Variants in NKAIN3 observed in about 807,000 individuals in gnomAD.
NKAIN3 encodes sodium/potassium transporting ATPase interacting 3.
In NKAIN3, 25 loss-of-function variants were observed where a neutral mutation model predicts 30.2. That is an observed-to-expected ratio of 0.83 (90% CI 0.60 to 1.16). The LOEUF (loss-of-function observed/expected upper bound fraction) is 1.16, where lower values mean the gene tolerates loss of function less well. NKAIN3 is among the 50% of genes most tolerant of loss of function. The pLI, the probability that NKAIN3 is intolerant of heterozygous loss-of-function variation, is 0.00. For synonymous variants in NKAIN3, 91 were observed against 89.6 expected, an observed-to-expected ratio of 1.02 and a Z score of -0.09; for missense variants, 225 against 254.1, an observed-to-expected ratio of 0.89 and a Z score of 0.78.
intron 6 of NKAIN3, among the ~76,000 whole-genome samples, chr8:62,958,206 A>T (rs1823476079): frequency 6.6e-6 from 1 of 151,834 alleles, no homozygotes; most frequent in Non-Finnish European, 1.5e-5. Flanking sequence ...CAGAGGCTTA[A>T]GCAGAGCAGG....
chr8:62,657,115 T>C (rs1812784696), intron 3 of NKAIN3, among the ~76,000 whole-genome samples: 1 of 152,210 alleles, frequency 6.6e-6, no homozygotes, highest in African/African-American at 2.4e-5. Context: ...ATTTCAATTG[T>C]TGTACTGTTT....
rs115238086 is a variant in NKAIN3 at position 62,345,934 on chromosome 8, C to G, written c.54+96807C>G. Among the ~76,000 whole-genome samples the G allele has an allele frequency of 7.5e-3, 1,142 of 151,998 alleles. 17 individuals carry two copies. The highest frequency in any genetic ancestry group is 0.026 in the African/African-American group (1,088 of 41,472). On this transcript the variant is annotated intron_variant, in intron 1 of 6. Transcript: ENST00000623646. Reference sequence around the variant, plus strand: ...GTCATTTGCGGCAACATAGATGAAACTAGAGAACATTATGTAAGTGAAGCA... The same window carrying G: ...GTCATTTGCGGCAACATAGATGAAAGTAGAGAACATTATGTAAGTGAAGCA...
At chr8:62,385,385 G>C (rs921814022) in intron 1 of NKAIN3, among the ~76,000 whole-genome samples, 2 of 152,006 alleles carry the variant, frequency 1.3e-5, no homozygotes, top group Non-Finnish European at 2.9e-5. Flanking sequence ...ACTGAAACTC[G>C]GAGAAATGAT....
intron 1 of NKAIN3, among the ~76,000 whole-genome samples, chr8:62,281,912 T>G (rs1585629792): frequency 6.6e-6 from 1 of 152,108 alleles, no homozygotes; most frequent in African/African-American, 2.4e-5. Context: ...AAAAACAATT[T>G]TTTTTTAAAA....
chr8:62,560,714 A>G (rs1158330177), intron 1 of NKAIN3, among the ~76,000 whole-genome samples: 2 of 150,304 alleles, frequency 1.3e-5, no homozygotes, highest in South Asian at 2.1e-4. Context: ...TAATTTTTAT[A>G]TTTTTTAGTA....
intron 6 of NKAIN3, among the ~76,000 whole-genome samples, chr8:62,957,989 C>A (rs1823469277): frequency 6.6e-6 from 1 of 152,072 alleles, no homozygotes; most frequent in Non-Finnish European, 1.5e-5. Flanking sequence ...AATCTCTGTA[C>A]CTTCCTCTCA....
chr8:62,396,598 T>G (rs1817774552), intron 1 of NKAIN3, among the ~76,000 whole-genome samples: 1 of 152,204 alleles, frequency 6.6e-6, no homozygotes, highest in African/African-American at 2.4e-5. Flanking sequence ...GCTCTTAATT[T>G]ATAGTAGAAT....
intron 4 of NKAIN3, among the ~76,000 whole-genome samples, chr8:62,900,844 G>T (rs1375438460): frequency 6.6e-6 from 1 of 152,254 alleles, no homozygotes; most frequent in East Asian, 1.9e-4. Flanking sequence ...TGACCACAAA[G>T]ATGGACTCTT....
chr8:62,612,348 C>A (rs1326916792), intron 3 of NKAIN3, among the ~76,000 whole-genome samples: 1 of 151,818 alleles, frequency 6.6e-6, no homozygotes, highest in East Asian at 1.9e-4. Flanking sequence ...TGAAATGATC[C>A]CTTTGTCGTT....
chr8:62,844,161 G>A (rs1727533069), intron 4 of NKAIN3, among the ~76,000 whole-genome samples: 1 of 152,154 alleles, frequency 6.6e-6, no homozygotes, highest in Admixed American at 6.6e-5. Flanking sequence ...TATTGGCCCG[G>A]TTGATGGAAC....
At chr8:62,469,546 C>G (rs1055551893) in intron 1 of NKAIN3, among the ~76,000 whole-genome samples, 1 of 152,164 alleles carries the variant, frequency 6.6e-6, no homozygotes, top group Admixed American at 6.5e-5. Flanking sequence ...CTTGTCAAGA[C>G]TGGCGCCCAA....
At chr8:62,272,779 G>A (rs1035855002) in intron 1 of NKAIN3, among the ~76,000 whole-genome samples, 2 of 152,116 alleles carry the variant, frequency 1.3e-5, no homozygotes, top group Admixed American at 6.6e-5. Flanking sequence ...TAAATAACAC[G>A]TACAGCCCTA....
chr8:62,588,431 A>G (rs1810546175), intron 2 of NKAIN3, among the ~76,000 whole-genome samples: 1 of 151,818 alleles, frequency 6.6e-6, no homozygotes, highest in African/African-American at 2.4e-5. Context: ...ATGAAAGCAA[A>G]CCTCCTTTCA....
At chr8:62,630,808 C>T (rs16929308) in intron 3 of NKAIN3, among the ~76,000 whole-genome samples, 4,848 of 152,186 alleles carry the variant, frequency 0.032, 244 homozygotes, top group African/African-American at 0.1. Flanking sequence ...CACCCAAAAC[C>T]TTCAACTCCT....
At chr8:62,497,462 G>C (rs1807279114) in intron 1 of NKAIN3, among the ~76,000 whole-genome samples, 1 of 151,520 alleles carries the variant, frequency 6.6e-6, no homozygotes, top group South Asian at 2.1e-4. Flanking sequence ...CATAGCAGAA[G>C]TCTTAGAGGC....
chr8:62,273,831 C>T lies in NKAIN3; in HGVS notation c.54+24704C>T, dbSNP rs542571864. 5.9e-5 allele frequency among the ~76,000 whole-genome samples: 9 copies of T among 152,248 alleles called. No homozygotes were observed. The South Asian group carries it at 6.2e-4, about 11-fold the overall frequency. ...GCATGAATATGTAAACACCTTACTA[C>T]GGTTCTGAAATCATAGTTATGAGTC... On this transcript the variant is annotated intron_variant, in intron 1 of 6. Transcript: ENST00000623646.
chr8:62,609,314 A>C (rs1020592204), intron 3 of NKAIN3, among the ~76,000 whole-genome samples: 1 of 152,180 alleles, frequency 6.6e-6, no homozygotes. Flanking sequence ...AGGTAAGTAA[A>C]GTGAGAAATA....
chr8:62,494,532 C>A (rs1363196415), intron 1 of NKAIN3, among the ~76,000 whole-genome samples: 4 of 152,036 alleles, frequency 2.6e-5, no homozygotes, highest in Non-Finnish European at 4.4e-5. Flanking sequence ...GCTGGCCTCA[C>A]AGAATGAGTT....
chr8:62,534,210 C>A (rs1808577488), intron 1 of NKAIN3, among the ~76,000 whole-genome samples: 1 of 152,118 alleles, frequency 6.6e-6, no homozygotes, highest in South Asian at 2.1e-4. Context: ...AGTGAGCGTG[C>A]ACAGGAAGCC....
Sources: gnomAD v4.1 joint callset for allele counts (sites outside exome capture counted in the v4.1 genomes callset) on GRCh38, gnomAD v4.1.1 for gene constraint, MANE v1.5 for transcripts, NCBI Gene and HGNC (gene_info 2026-07-23, HGNC 2026-07-21) for gene names.